TNRC6B: variants seen among roughly 807,000 people sequenced by gnomAD.
The protein encoded by TNRC6B is trinucleotide repeat containing adaptor 6B.
A neutral mutation model predicts 203.6 loss-of-function variants in TNRC6B; 52 were observed. The observed-to-expected ratio is 0.26, with a 90% CI of 0.20 to 0.32. The LOEUF is 0.32. TNRC6B is among the 10% of genes least tolerant of loss of function. The pLI, the probability that TNRC6B is intolerant of heterozygous loss-of-function variation, is 1.00. For synonymous variants in TNRC6B, 838 were observed against 845.7 expected (o/e 0.99, Z 0.16); for missense variants, 1,923 against 2,286.2 (o/e 0.84, Z 3.24).
chr22:40,230,184 T>C (rs967092713), intron 1 of TNRC6B, among the ~76,000 whole-genome samples: 3 of 152,184 alleles, frequency 2.0e-5, no homozygotes, highest in Non-Finnish European at 4.4e-5. Flanking sequence ...TTTGTTTTTT[T>C]CATAATCACT....
intron 12 of TNRC6B, among the ~76,000 whole-genome samples, chr22:40,295,152 G>C (rs1054864112): frequency 6.6e-6 from 1 of 152,126 alleles, no homozygotes; most frequent in South Asian, 2.1e-4. Context: ...ACCTGAACTT[G>C]GTCAAATGTT....
At position 40,265,989 on chromosome 22, in the gene TNRC6B, A is replaced by C; in HGVS notation, c.1759A>C (p.Asn587His). 6.2e-7 allele frequency: 1 copy of C among 1,613,940 alleles called. No individual in the cohort carries two copies. Among genetic ancestry groups the C allele is most frequent in the East Asian group, 2.2e-5 (1 of 44,880 alleles). The change falls in exon 5 of 23, where the codon AAC becomes CAC. Residue 587 changes from asparagine (N) to histidine (H), a missense_variant. By Grantham distance (68) the Asn-to-His change is moderately conservative (BLOSUM62 1). Transcript: ENST00000454349. ...CAAAGCAGGAAGTAGTGACAGTCAT[A>C]ACTCTGGCCGTCGGTCGTACAGGCC... is the stretch of plus-strand genomic sequence containing the variant. ...NHKAGSSDSH[N>H]SGRRSYRPTH...
At chr22:40,312,739 TA>T (rs1801459711) in intron 18 of TNRC6B, 88 bp downstream of exon 18, 1 of 1,524,448 alleles carries the variant, frequency 6.6e-7, no homozygotes, top group Non-Finnish European at 8.9e-7. Context: ...TGCTGGTACC[TA>T]AAAGTTTAAC....
intron 1 of TNRC6B, among the ~76,000 whole-genome samples, chr22:40,189,498 C>CA (rs56029573): frequency 0.046 from 5,161 of 112,144 alleles, 107 homozygotes; most frequent in Non-Finnish European, 0.07. Context: ...TTTGTCTGCC[C>CA]AAAAAAAAAA....
At chr22:40,071,879 A>T (rs993641527) in intron 1 of TNRC6B, among the ~76,000 whole-genome samples, 3 of 152,160 alleles carry the variant, frequency 2.0e-5, no homozygotes, top group African/African-American at 7.2e-5. Context: ...TTGTTTCGAG[A>T]CCGGATCTTG....
chr22:40,069,399 C>T (rs2067927571), intron 1 of TNRC6B, among the ~76,000 whole-genome samples: 1 of 151,902 alleles, frequency 6.6e-6, no homozygotes, highest in African/African-American at 2.4e-5. Flanking sequence ...AACTACTGCA[C>T]CTGGCCTAAA....
intron 1 of TNRC6B, among the ~76,000 whole-genome samples, chr22:40,239,260 G>C (rs2069993342): frequency 6.6e-6 from 1 of 152,174 alleles, no homozygotes; most frequent in Admixed American, 6.5e-5. Context: ...TTAAAGGAAT[G>C]AGTCAGTTCC....
At chr22:40,304,079 G>A (rs58982275) in intron 15 of TNRC6B, among the ~76,000 whole-genome samples, 6 of 152,244 alleles carry the variant, frequency 3.9e-5, no homozygotes, top group Middle Eastern at 3.4e-3. Flanking sequence ...ATTAAATGCC[G>A]AAGATGTAAT....
At chr22:40,309,364 G>A (rs770788755) in intron 16 of TNRC6B, among the ~76,000 whole-genome samples, 6 of 152,170 alleles carry the variant, frequency 3.9e-5, no homozygotes, top group Non-Finnish European at 5.9e-5. Context: ...CTGCTGCAGC[G>A]CCCTGGCAGG....
chr22:40,080,415 A>G (rs1015871055), intron 1 of TNRC6B, among the ~76,000 whole-genome samples: 12 of 152,146 alleles, frequency 7.9e-5, no homozygotes, highest in Admixed American at 6.5e-4. Flanking sequence ...TATGAGGACT[A>G]TGCTGTTTTA....
At chr22:40,273,365 T>C (rs1569048739) in intron 6 of TNRC6B, 60 bp from the exon 7 acceptor site, 1 of 1,429,616 alleles carries the variant, frequency 7.0e-7, no homozygotes, top group Non-Finnish European at 9.3e-7. Context: ...CAAGGAATTA[T>C]TATTCTGATG....
intron 1 of TNRC6B, among the ~76,000 whole-genome samples, chr22:40,072,442 AAAG>A (rs1486458965): frequency 6.6e-6 from 1 of 152,304 alleles, no homozygotes; most frequent in African/African-American, 2.4e-5. Flanking sequence ...AATCCATAAT[AAAG>A]AAGATCACGA....
chr22:40,254,205 G>A (rs530448009), intron 3 of TNRC6B, among the ~76,000 whole-genome samples: 2 of 152,296 alleles, frequency 1.3e-5, no homozygotes, highest in East Asian at 1.9e-4. Context: ...ATCCTCCTTC[G>A]TTGGATTTTA....
intron 1 of TNRC6B, among the ~76,000 whole-genome samples, chr22:40,061,786 C>T (rs1315985216): frequency 6.6e-6 from 1 of 151,994 alleles, no homozygotes; most frequent in African/African-American, 2.4e-5. Flanking sequence ...AAGAACTTTA[C>T]AATTAGGCTG....
chr22:40,262,035 C>T lies in TNRC6B; in HGVS notation c.319C>T (p.Arg107Cys), dbSNP rs749863719. Reference sequence around the variant, plus strand: ...GCAGGACCACAAAGTGTTACTAAAACGTGGGCAGCCCCCTCCACCGTCCTG... The same window carrying T: ...GCAGGACCACAAAGTGTTACTAAAATGTGGGCAGCCCCCTCCACCGTCCTG... ...CQQDHKVLLKRGQPPPPSCML... is the reference protein window; with the variant it reads ...CQQDHKVLLKCGQPPPPSCML... Residue 107 changes from arginine to cysteine, a missense_variant, in exon 4 of 23, where the codon CGT becomes TGT. Physicochemically the swap from Arg to Cys is radical, Grantham distance 180 (BLOSUM62 -3). Around this residue, in one of 8 missense-constraint regions of TNRC6B, gnomAD observed 111 missense variants for 155.3 expected, o/e 0.71. Coordinates refer to ENST00000454349, the MANE Select transcript of TNRC6B (RefSeq NM_001162501.2). 2.5e-6 allele frequency: 4 copies of T among 1,600,200 alleles called. No individual in the cohort carries two copies. Among genetic ancestry groups the T allele is most frequent in the South Asian group, 1.1e-5 (1 of 89,446 alleles).
In TNRC6B at chr22:40,312,888, C is replaced by T. The variant is rs2071205559; in HGVS notation, c.4583-14C>T. ...TTATCTTCAGTATTTTCTTCTTGTTCTTTGTTACCCAAGGGTCTAATTCTT... is the reference window on the plus strand; with the variant it reads ...TTATCTTCAGTATTTTCTTCTTGTTTTTTGTTACCCAAGGGTCTAATTCTT... On this transcript the variant is annotated splice_polypyrimidine_tract_variant and intron_variant, in intron 18 of 22. Transcript: ENST00000454349. 2 of 1,610,232 alleles carry T rather than the reference C, an allele frequency of 1.2e-6. No homozygotes were observed. The highest frequency in any genetic ancestry group is 4.5e-5 in the East Asian group (2 of 44,844).
At chr22:40,085,954 T>C (rs1295690573) in intron 1 of TNRC6B, among the ~76,000 whole-genome samples, 1 of 152,076 alleles carries the variant, frequency 6.6e-6, no homozygotes, top group Non-Finnish European at 1.5e-5. Context: ...TATGGCAGCC[T>C]AAACCTCCCG....
rs190597679 is a variant in TNRC6B, at chr22:40,228,483, A to T, written c.6-17532A>T. The stretch of plus-strand genomic sequence containing the variant: ...AATAAACAAATAGATAAATGTATGT[A>T]TGTTAGAGTATGTGGTATAAGCCCT... On this transcript the variant is annotated intron_variant, in intron 1 of 22. Transcript: ENST00000454349. 5.3e-4 allele frequency among the ~76,000 whole-genome samples: 81 copies of T among 151,894 alleles called. 1 individual carries two copies. Among genetic ancestry groups the T allele is most frequent in the African/African-American group, 1.9e-3 (79 of 41,424 alleles).
At chr22:40,123,580 C>T (rs1428041339) in intron 2 of TNRC6B, among the ~76,000 whole-genome samples, 1 of 152,178 alleles carries the variant, frequency 6.6e-6, no homozygotes, top group African/African-American at 2.4e-5. Context: ...GATGGTGTCC[C>T]CTGGGGCACA....
Sources: allele counts gnomAD v4.1 joint callset (sites outside exome capture counted in the v4.1 genomes callset), GRCh38; gene constraint gnomAD v4.1.1; regional missense constraint gnomAD v4.1.1; transcripts MANE v1.5; gene names NCBI Gene and HGNC (gene_info 2026-07-23, HGNC 2026-07-21).